The following TSC2 variants were observed in gnomAD, a reference collection of about 807,000 sequenced individuals.
The protein encoded by TSC2 is tuberin.
A neutral mutation model predicts 202.2 loss-of-function variants in TSC2; 29 were observed. The observed-to-expected ratio is 0.14, with a 90% CI of 0.11 to 0.20. The LOEUF is 0.20. Among genes scored for constraint, TSC2 ranks in the 10% least tolerant of loss-of-function variants. The pLI is 1.00. For synonymous variants in TSC2, 1,349 were observed against 1,044.0 expected, an observed-to-expected ratio of 1.29 and a Z score of -5.63; for missense variants, 2,429 against 2,420.0, an observed-to-expected ratio of 1.00 and a Z score of -0.08.
At position 2,081,355 on chromosome 16, in the gene TSC2, C is replaced by T. The variant is rs1186583423; in HGVS notation, c.3611-240C>T. ...GAGGCCTTGGGTCCGGACTGTGAGG[C>T]TGTGGGCTGGAGGCCGCTGCTCTGA... On this transcript the variant is annotated intron_variant, in intron 30 of 41. Transcript: ENST00000219476. 1.0e-5 allele frequency: 6 copies of T among 586,254 alleles called. No homozygotes were observed. In the East Asian group the frequency reaches 1.8e-4, roughly 17 times the overall value. 36.3% of individuals were successfully genotyped at this position (586,254 alleles called of 1,614,324 possible).
intron 2 of TSC2, among the ~76,000 whole-genome samples, chr16:2,049,597 G>T (rs925428542): frequency 2.6e-4 from 40 of 151,974 alleles, no homozygotes; most frequent in African/African-American, 9.6e-4. Flanking sequence ...GGCCGAGGCG[G>T]GTGGATCACC....
chr16:2,055,278 G>C, intron 5 of TSC2, 124 bp from the exon 6 acceptor site: 1 of 814,750 alleles, frequency 1.2e-6, no homozygotes, highest in Non-Finnish European at 2.1e-6. Flanking sequence ...TGTTGCTGCC[G>C]GGGGACTGAT....
chr16:2,064,546 G>C, intron 15 of TSC2, 119 bp downstream of exon 15: 1 of 1,498,054 alleles, frequency 6.7e-7, no homozygotes, highest in Non-Finnish European at 9.1e-7. Context: ...CGTAGGTGAG[G>C]CTCCCCTCCC....
intron 11 of TSC2, chr16:2,061,348 C>A (rs1365925464): frequency 3.5e-6 from 1 of 283,950 alleles, no homozygotes; most frequent in African/African-American, 2.2e-5. Flanking sequence ...GAGGCCGGGA[C>A]TTCGCCGGGA....
Position 2,052,358 on chromosome 16 carries a change from G to A in TSC2, c.226-984G>A, listed in dbSNP as rs570149224. ...AAGGTCTCACTCTGTCACCCAGGCCGGGGTGCAGTGTCACAATCATGGCTC... is the reference window on the plus strand; with the variant it reads ...AAGGTCTCACTCTGTCACCCAGGCCAGGGTGCAGTGTCACAATCATGGCTC... On this transcript the variant is annotated intron_variant, in intron 3 of 41. Coordinates refer to ENST00000219476, the MANE Select transcript of TSC2 (RefSeq NM_000548.5). Among the ~76,000 whole-genome samples, 12 of 151,886 alleles carry A rather than the reference G, an allele frequency of 7.9e-5. No individual in the cohort carries two copies. In the South Asian group the frequency reaches 1.5e-3, roughly 18 times the overall value.
Position 2,054,456 on chromosome 16 carries a change from G to A in TSC2, c.481+16G>A, listed in dbSNP as rs2151045362. On this transcript the variant is annotated intron_variant, in intron 5 of 41. Coordinates refer to ENST00000219476, the MANE Select transcript of TSC2 (RefSeq NM_000548.5). The stretch of plus-strand genomic sequence containing the variant: ...GAAGAGCTGGGTGGGTGCCACCTTG[G>A]GTTGGAGGTTTCTCTGGCCTTGACG... The A allele has an allele frequency of 6.2e-7, 1 of 1,614,064 alleles. No individual in the cohort carries two copies.
chr16:2,053,817 T>TC, intron 4 of TSC2: 2 of 509,448 alleles, frequency 3.9e-6, no homozygotes, highest in South Asian at 3.1e-5. Context: ...CTGCATTCCA[T>TC]CTGTGCTGGT....
intron 41 of TSC2, 24 bp from the exon 42 acceptor site, chr16:2,088,422 T>C (rs770918983): frequency 6.2e-7 from 1 of 1,612,682 alleles, no homozygotes; most frequent in Non-Finnish European, 8.5e-7. Context: ...CCAGACTTAC[T>C]GCCCAAGCCG....
intron 38 of TSC2, 24 bp from the exon 39 acceptor site, chr16:2,087,839 T>G (rs2091038418): frequency 6.2e-7 from 1 of 1,611,752 alleles, no homozygotes; most frequent in South Asian, 1.1e-5. Context: ...TGTGCGGGGA[T>G]GACCCTTTCT....
At chr16:2,083,962 T>G in intron 33 of TSC2, 146 bp downstream of exon 33, 1 of 1,419,542 alleles carries the variant, frequency 7.0e-7, no homozygotes, top group Non-Finnish European at 9.3e-7. Context: ...ACAGACGGTC[T>G]GCACTTTGCA....
chr16:2,057,269 G>A, intron 9 of TSC2, 91 bp downstream of exon 9: 1 of 1,452,132 alleles, frequency 6.9e-7, no homozygotes. Context: ...CACTGGCTTA[G>A]AGAGTCCTTG....
chr16:2,086,457 C>G (rs756673198), intron 37 of TSC2, 78 bp downstream of exon 37: 1 of 1,557,760 alleles, frequency 6.4e-7, no homozygotes, highest in African/African-American at 1.4e-5. Context: ...TACCCCACGC[C>G]CTGGGGCATG....
chr16:2,070,678 A>C, intron 17 of TSC2, 100 bp downstream of exon 17: 1 of 1,567,918 alleles, frequency 6.4e-7, no homozygotes. Context: ...CGGCCCCAGG[A>C]TGGGGCCTCA....
At position 2,088,714 on chromosome 16, in the gene TSC2, TCAGA is replaced by T. The variant is rs952864367; in HGVS notation, c.*108_*111del. 7 of 1,431,548 alleles carry T rather than the reference TCAGA, an allele frequency of 4.9e-6. No individual in the cohort carries two copies. The African/African-American group carries it at 8.6e-5, about 18-fold the overall frequency. 88.7% of individuals were successfully genotyped at this position (1,431,548 alleles called of 1,614,324 possible). A position where few individuals can be genotyped will look rare whatever the true frequency, so the allele number is the denominator to read the frequency against. Reference sequence around the variant, plus strand: ...ACAGACATAGAGGCACAGATTGCAGTCAGACAGCTCTTTTATTGACTTTGTCTGC... The same window carrying T: ...ACAGACATAGAGGCACAGATTGCAGTCAGCTCTTTTATTGACTTTGTCTGC... On this transcript the variant is annotated 3_prime_UTR_variant, in exon 42 of 42. Coordinates refer to ENST00000219476, the MANE Select transcript of TSC2 (RefSeq NM_000548.5).
In TSC2 at chr16:2,053,466, C is replaced by T. The variant is rs570065416; in HGVS notation, c.336+14C>T. 4.8e-5 allele frequency: 75 copies of T among 1,554,622 alleles called. 1 individual carries two copies. In the Middle Eastern group the frequency reaches 6.7e-4, roughly 14 times the overall value. Reference sequence around the variant, plus strand: ...GTGCAGGGGCAGGTAAGGCCCAGGGCGACGCTGGGATGGGTGACGTCAGGC... The same window carrying T: ...GTGCAGGGGCAGGTAAGGCCCAGGGTGACGCTGGGATGGGTGACGTCAGGC... On this transcript the variant is annotated intron_variant, in intron 4 of 41. Transcript: ENST00000219476.
intron 30 of TSC2, 185 bp downstream of exon 30, chr16:2,080,562 C>G (rs1044954885): frequency 1.5e-6 from 1 of 673,152 alleles, no homozygotes; most frequent in African/African-American, 1.8e-5. Context: ...CGGCTCACTG[C>G]AAGCTCCACC....
chr16:2,075,926 C>A lies in TSC2; in HGVS notation c.2639+34C>A, dbSNP rs756138536. On this transcript the variant is annotated intron_variant, in intron 23 of 41. Transcript: ENST00000219476. ...TCGCCCCAGGCCCTGTGCCTCCCAGCCGTGGCCCCCGCTAGGCCTTGCGGC... is the reference window on the plus strand; with the variant it reads ...TCGCCCCAGGCCCTGTGCCTCCCAGACGTGGCCCCCGCTAGGCCTTGCGGC... 2.5e-6 allele frequency: 4 copies of A among 1,612,582 alleles called. 1 individual carries two copies. In the South Asian group the frequency reaches 4.4e-5, roughly 18 times the overall value.
chr16:2,086,979 G>A (rs931138487), intron 38 of TSC2, 108 bp downstream of exon 38: 44 of 1,505,630 alleles, frequency 2.9e-5, no homozygotes, highest in African/African-American at 2.8e-4. Context: ...AGGAGCAGGA[G>A]GAGAGGCCGC....
intron 14 of TSC2, 48 bp from the exon 15 acceptor site, chr16:2,064,224 T>A (rs2151187598): frequency 6.2e-7 from 1 of 1,613,534 alleles, no homozygotes; most frequent in Non-Finnish European, 8.5e-7. Flanking sequence ...TCACGAGATG[T>A]GGCCCTCGTT....
Sources: allele counts gnomAD v4.1 joint callset (sites outside exome capture counted in the v4.1 genomes callset), GRCh38; gene constraint gnomAD v4.1.1; transcripts MANE v1.5; gene names NCBI Gene and HGNC (gene_info 2026-07-23, HGNC 2026-07-21).